The following DIAPH3 variants were observed in gnomAD, a reference collection of about 807,000 sequenced individuals.
The protein encoded by DIAPH3 is protein diaphanous homolog 3.
DIAPH3 carries 117 observed loss-of-function variants against 144.3 expected under a neutral mutation model. The ratio of observed to expected loss-of-function variants is 0.81; its 90% CI spans 0.70 to 0.95. The LOEUF (loss-of-function observed/expected upper bound fraction) is 0.95. Ranked by LOEUF, DIAPH3 falls within the 40% of genes least tolerant of loss-of-function variation. The pLI is 0.00. For synonymous variants in DIAPH3, 519 were observed against 488.9 expected (o/e 1.06, Z -0.81); for missense variants, 1,421 against 1,412.7 (o/e 1.01, Z -0.09).
intron 25 of DIAPH3, among the ~76,000 whole-genome samples, chr13:59,805,836 T>C (rs1479070840): frequency 6.6e-6 from 1 of 152,080 alleles, no homozygotes; most frequent in African/African-American, 2.4e-5. Context: ...TTTTTATCTT[T>C]ATTTTCATTC....
intron 27 of DIAPH3, among the ~76,000 whole-genome samples, chr13:59,750,180 C>T (rs7998288): frequency 0.34 from 52,279 of 151,882 alleles, 9,441 homozygotes; most frequent in African/African-American, 0.44. Flanking sequence ...ACATTTCAGC[C>T]AGGATGCACT....
chr13:59,707,084 AAC>A (rs2034471950), intron 27 of DIAPH3, among the ~76,000 whole-genome samples: 1 of 152,200 alleles, frequency 6.6e-6, no homozygotes, highest in Non-Finnish European at 1.5e-5. Flanking sequence ...AACAGACTTT[AAC>A]ACAAAATGAA....
chr13:60,048,032 G>T (rs146904896), intron 4 of DIAPH3, among the ~76,000 whole-genome samples: 1 of 152,208 alleles, frequency 6.6e-6, no homozygotes, highest in Admixed American at 6.5e-5. Context: ...CCACCCAGTC[G>T]CACGGGGACA....
At chr13:59,835,034 C>T (rs1386647724) in intron 23 of DIAPH3, among the ~76,000 whole-genome samples, 2 of 151,784 alleles carry the variant, frequency 1.3e-5, no homozygotes, top group Admixed American at 1.3e-4. Context: ...AAACCACCTA[C>T]CACAAATATA....
At chr13:59,705,273 A>C (rs530159111) in intron 27 of DIAPH3, among the ~76,000 whole-genome samples, 1 of 152,326 alleles carries the variant, frequency 6.6e-6, no homozygotes, top group East Asian at 1.9e-4. Context: ...TTTTAAACAC[A>C]TGGAGACCCT....
intron 20 of DIAPH3, among the ~76,000 whole-genome samples, chr13:59,901,655 C>T (rs978044289): frequency 1.3e-5 from 2 of 152,170 alleles, no homozygotes; most frequent in African/African-American, 4.8e-5. Flanking sequence ...GCAGCAATAC[C>T]TAGCACACAG....
At chr13:60,100,490 G>A (rs2058238245) in intron 3 of DIAPH3, among the ~76,000 whole-genome samples, 1 of 152,134 alleles carries the variant, frequency 6.6e-6, no homozygotes, top group African/African-American at 2.4e-5. Flanking sequence ...AAAGACATGG[G>A]TGGGAAAGCT....
chr13:60,052,495 A>C (rs1207533074), intron 4 of DIAPH3, among the ~76,000 whole-genome samples: 1 of 152,150 alleles, frequency 6.6e-6, no homozygotes, highest in East Asian at 1.9e-4. Context: ...AAGGAAAAGC[A>C]ATCAACTAGG....
chr13:60,131,731 A>G (rs1343033910), intron 2 of DIAPH3, among the ~76,000 whole-genome samples: 1 of 152,212 alleles, frequency 6.6e-6, no homozygotes, highest in East Asian at 1.9e-4. Flanking sequence ...TGGTTGTACA[A>G]TTCTTCTGAA....
intron 4 of DIAPH3, among the ~76,000 whole-genome samples, chr13:60,077,178 A>T (rs2057406857): frequency 6.6e-6 from 1 of 152,096 alleles, no homozygotes; most frequent in South Asian, 2.1e-4. Flanking sequence ...TATTTTGATT[A>T]CTGAAACAAC....
rs527443202 is a variant in DIAPH3, at chr13:59,916,043, T to A, written c.2265+112A>T. On this transcript the variant is annotated intron_variant, in intron 19 of 27. Coordinates refer to ENST00000400324, the MANE Select transcript of DIAPH3 (RefSeq NM_001042517.2). ...TATGCTAAAACTAATTATGCAGCAA[T>A]GATTTTCCAGTTGAATGATTTGGGT... 12 of 899,024 alleles carry A rather than the reference T, an allele frequency of 1.3e-5. No homozygotes were observed. In the East Asian group the frequency reaches 2.8e-4, roughly 21 times the overall value. The allele number at this position is 899,024 out of a possible 1,614,324, so 55.7% of individuals were successfully genotyped here.
rs200390524 is a variant in DIAPH3 at position 59,666,357 on chromosome 13, C to A, written c.*227G>T. 1,756 of 301,126 alleles carry A rather than the reference C, an allele frequency of 5.8e-3. No individual in the cohort carries two copies. The highest frequency in any genetic ancestry group is 0.012 in the African/African-American group (414 of 33,402). 18.7% of individuals were successfully genotyped at this position (301,126 alleles called of 1,614,324 possible). A position where few individuals can be genotyped will look rare whatever the true frequency, so the allele number is the denominator to read the frequency against. On this transcript the variant is annotated 3_prime_UTR_variant, in exon 28 of 28. Transcript: ENST00000400324. ...TAAAGAACTGAGGAATACCAGGAGA[C>A]AAAAAAAAAAAAAAAAGGATTAAAG...
intron 25 of DIAPH3, among the ~76,000 whole-genome samples, chr13:59,777,919 A>G (rs2038509866): frequency 6.6e-6 from 1 of 152,172 alleles, no homozygotes; most frequent in African/African-American, 2.4e-5. Context: ...AAGAAGTTAT[A>G]TATGACGTTA....
chr13:59,859,684 C>A (rs537686600), intron 22 of DIAPH3, among the ~76,000 whole-genome samples: 190 of 151,912 alleles, frequency 1.3e-3, no homozygotes, highest in African/African-American at 4.4e-3. Flanking sequence ...TTTTTTTTAT[C>A]CCATTTGGTC....
intron 1 of DIAPH3, among the ~76,000 whole-genome samples, chr13:60,155,208 A>G (rs936779296): frequency 6.6e-6 from 1 of 152,210 alleles, no homozygotes; most frequent in African/African-American, 2.4e-5. Flanking sequence ...AGGTTTCACC[A>G]TGTAATAAAT....
intron 24 of DIAPH3, among the ~76,000 whole-genome samples, chr13:59,812,862 T>C (rs561787011): frequency 2.4e-4 from 36 of 152,272 alleles, no homozygotes; most frequent in African/African-American, 7.7e-4. Flanking sequence ...CTACGTACAC[T>C]GAGATACAAG....
intron 1 of DIAPH3, among the ~76,000 whole-genome samples, chr13:60,156,569 A>AT (rs1354574289): frequency 5.9e-5 from 9 of 151,758 alleles, no homozygotes; most frequent in African/African-American, 1.9e-4. Context: ...GTCAACTCCA[A>AT]TCTTCCTTCA....
intron 4 of DIAPH3, among the ~76,000 whole-genome samples, chr13:60,065,256 A>T (rs1408404780): frequency 1.6e-5 from 2 of 122,388 alleles, no homozygotes; most frequent in Admixed American, 7.6e-5. Context: ...AATTTATTAA[A>T]AAAAAAAAAA....
At chr13:59,977,575 T>C (rs2050750202) in intron 14 of DIAPH3, among the ~76,000 whole-genome samples, 2 of 151,770 alleles carry the variant, frequency 1.3e-5, no homozygotes, top group South Asian at 4.1e-4. Context: ...GAAAAAGACA[T>C]ACTAGAGGCA....
Sources: allele counts gnomAD v4.1 joint callset (sites outside exome capture counted in the v4.1 genomes callset), GRCh38; gene constraint gnomAD v4.1.1; transcripts MANE v1.5; gene names NCBI Gene and HGNC (gene_info 2026-07-23, HGNC 2026-07-21).